RERE: variants seen among roughly 807,000 people sequenced by gnomAD.
The protein encoded by RERE is arginine-glutamic acid dipeptide repeats, also known as arginine-glutamic acid dipeptide repeats protein.
A neutral mutation model predicts 146.1 loss-of-function variants in RERE; 40 were observed. That is an observed-to-expected ratio of 0.27 (90% CI 0.21 to 0.36). The LOEUF is 0.36. RERE is among the 10% of genes least tolerant of loss of function. RERE has a pLI of 1.00. For synonymous variants in RERE, 1,003 were observed against 866.0 expected (o/e 1.16, Z -2.78); for missense variants, 1,933 against 2,138.7 (o/e 0.90, Z 1.90).
intron 4 of RERE, among the ~76,000 whole-genome samples, chr1:8,573,545 G>C (rs1309470850): frequency 6.6e-6 from 1 of 152,122 alleles, no homozygotes; most frequent in South Asian, 2.1e-4. Context: ...ACATTTTCCT[G>C]ATAGTAGACA....
At chr1:8,749,576 A>G (rs1640489734) in intron 1 of RERE, among the ~76,000 whole-genome samples, 2 of 152,228 alleles carry the variant, frequency 1.3e-5, no homozygotes, top group African/African-American at 4.8e-5. Flanking sequence ...CACTGAGGCA[A>G]TTATGATGAA....
chr1:8,715,953 T>C (rs1433172541), intron 1 of RERE, among the ~76,000 whole-genome samples: 1 of 151,920 alleles, frequency 6.6e-6, no homozygotes, highest in Non-Finnish European at 1.5e-5. Context: ...AAATTACTCA[T>C]TGGGTAAACT....
chr1:8,470,300 T>A (rs1371413967), intron 10 of RERE, among the ~76,000 whole-genome samples: 1 of 152,136 alleles, frequency 6.6e-6, no homozygotes, highest in African/African-American at 2.4e-5. Context: ...TCTCACTCTG[T>A]TGCCCAGGCT....
At position 8,360,234 on chromosome 1, in the gene RERE, G is replaced by T; in HGVS notation, c.3273C>A (p.Val1091=). 1 of 1,584,428 alleles carries T rather than the reference G, an allele frequency of 6.3e-7. No homozygotes were observed. The highest frequency in any genetic ancestry group is 2.3e-5 in the East Asian group (1 of 43,592). The change falls in exon 18 of 23, where the codon GTC becomes GTA. Residue 1091 remains valine, a synonymous_variant. Coordinates refer to ENST00000400908, the MANE Select transcript of RERE (RefSeq NM_001042681.2). ...AGGSSCPLPT[V]QIKEEALDDA... Reference sequence around the variant, plus strand: ...CGTCCAGAGCCTCCTCCTTGATCTGGACGGTGGGGAGTGGGCAGGACGACC... The same window carrying T: ...CGTCCAGAGCCTCCTCCTTGATCTGTACGGTGGGGAGTGGGCAGGACGACC...
intron 1 of RERE, among the ~76,000 whole-genome samples, chr1:8,801,145 G>A (rs1232505855): frequency 2.0e-5 from 3 of 151,656 alleles, no homozygotes; most frequent in African/African-American, 7.3e-5. Flanking sequence ...TGTAGCCTCA[G>A]CTACTGGAGG....
At chr1:8,548,681 A>C (rs1365608728) in intron 6 of RERE, among the ~76,000 whole-genome samples, 1 of 152,222 alleles carries the variant, frequency 6.6e-6, no homozygotes, top group African/African-American at 2.4e-5. Context: ...TAAATAACGG[A>C]AAGTGAAGAA....
chr1:8,509,717 C>A (rs936412458), intron 7 of RERE, among the ~76,000 whole-genome samples: 1 of 152,142 alleles, frequency 6.6e-6, no homozygotes, highest in Non-Finnish European at 1.5e-5. Flanking sequence ...ATCGCTTGAG[C>A]TGGGAGGTCA....
chr1:8,528,040 T>C (rs1331044818), intron 7 of RERE, among the ~76,000 whole-genome samples: 1 of 152,232 alleles, frequency 6.6e-6, no homozygotes, highest in African/African-American at 2.4e-5. Flanking sequence ...ATCATCTTTA[T>C]TGGAACCACC....
At chr1:8,668,398 C>T (rs1373966309) in intron 1 of RERE, among the ~76,000 whole-genome samples, 14 of 152,126 alleles carry the variant, frequency 9.2e-5, no homozygotes, top group Admixed American at 9.2e-4. Flanking sequence ...TGGAAGCTTC[C>T]GCTGTCACAC....
chr1:8,616,928 A>T (rs1646858636), intron 3 of RERE, among the ~76,000 whole-genome samples: 1 of 152,222 alleles, frequency 6.6e-6, no homozygotes, highest in Admixed American at 6.5e-5. Flanking sequence ...GGTTGACATC[A>T]GTATCATGCA....
At chr1:8,649,549 G>T (rs1359006511) in intron 2 of RERE, among the ~76,000 whole-genome samples, 2 of 151,982 alleles carry the variant, frequency 1.3e-5, no homozygotes, top group Non-Finnish European at 2.9e-5. Flanking sequence ...GGCCAACATG[G>T]TGAAACCCTG....
At chr1:8,652,542 T>C (rs913576761) in intron 2 of RERE, among the ~76,000 whole-genome samples, 6 of 152,210 alleles carry the variant, frequency 3.9e-5, no homozygotes, top group African/African-American at 7.2e-5. Flanking sequence ...AGAGGTTTAA[T>C]TGATCCACAA....
intron 1 of RERE, among the ~76,000 whole-genome samples, chr1:8,757,346 T>G (rs1341248666): frequency 6.6e-6 from 1 of 152,170 alleles, no homozygotes; most frequent in Non-Finnish European, 1.5e-5. Context: ...TTTCTAAAGT[T>G]AACACAAAAG....
chr1:8,433,726 A>G (rs1235376891), intron 11 of RERE, among the ~76,000 whole-genome samples: 1 of 146,842 alleles, frequency 6.8e-6, no homozygotes, highest in Non-Finnish European at 1.5e-5. Flanking sequence ...GCGCCCGGCT[A>G]ATTTTTTGTA....
In RERE at chr1:8,366,796, G is replaced by A. The variant is rs970569735; in HGVS notation, c.1285-822C>T. Among the ~76,000 whole-genome samples, 3 of 151,518 alleles carry A rather than the reference G, an allele frequency of 2.0e-5. No homozygotes were observed. In the South Asian group the frequency reaches 6.2e-4, roughly 31 times the overall value. ...CAAATGTAAGCTTTTTAAAGAAAGG[G>A]CACTTTGGGCACCCCCAGCCCTCAG... On this transcript the variant is annotated intron_variant, in intron 12 of 22. Coordinates refer to ENST00000400908, the MANE Select transcript of RERE (RefSeq NM_001042681.2).
chr1:8,784,748 A>T (rs1641230741), intron 1 of RERE, among the ~76,000 whole-genome samples: 1 of 152,188 alleles, frequency 6.6e-6, no homozygotes, highest in Non-Finnish European at 1.5e-5. Context: ...AAACCCCAAA[A>T]ACACTCATAC....
At chr1:8,431,505 A>G (rs1644095607) in intron 11 of RERE, among the ~76,000 whole-genome samples, 1 of 152,166 alleles carries the variant, frequency 6.6e-6, no homozygotes, top group Non-Finnish European at 1.5e-5. Context: ...TTACAATGTA[A>G]TAATAATAGA....
At chr1:8,496,099 G>T (rs545099018) in intron 9 of RERE, among the ~76,000 whole-genome samples, 1 of 150,024 alleles carries the variant, frequency 6.7e-6, no homozygotes, top group South Asian at 2.1e-4. Context: ...GGAGGTTAAG[G>T]CTGTAATGAG....
At chr1:8,434,059 C>T (rs1428917036) in intron 11 of RERE, among the ~76,000 whole-genome samples, 1 of 152,204 alleles carries the variant, frequency 6.6e-6, no homozygotes. Flanking sequence ...TTCTACCCTC[C>T]TCAGTTCATG....
Sources: allele counts gnomAD v4.1 joint callset (sites outside exome capture counted in the v4.1 genomes callset), GRCh38; gene constraint gnomAD v4.1.1; transcripts MANE v1.5; gene names NCBI Gene and HGNC (gene_info 2026-07-23, HGNC 2026-07-21).